Variants in SLC2A8 observed in about 807,000 individuals in gnomAD.
SLC2A8 encodes the protein solute carrier family 2, facilitated glucose transporter member 8.
In SLC2A8, 53 loss-of-function variants were observed where a neutral mutation model predicts 49.2. The ratio of observed to expected loss-of-function variants is 1.08; its 90% CI spans 0.86 to 1.35. The LOEUF (loss-of-function observed/expected upper bound fraction) is 1.35. SLC2A8 is among the 40% of genes most tolerant of loss of function. The pLI, the probability that SLC2A8 is intolerant of heterozygous loss-of-function variation, is 0.00. For missense variants in SLC2A8, 688 were observed against 671.7 expected (o/e 1.02, Z -0.27); for synonymous variants, 299 against 297.0 (o/e 1.01, Z -0.07).
intron 5 of SLC2A8, 123 bp from the exon 6 acceptor site, chr9:127,403,537 T>C (rs1411010938): frequency 4.3e-6 from 5 of 1,152,562 alleles, no homozygotes. Context: ...CAGGGGGTGC[T>C]GGGATGAGGA....
At chr9:127,405,600 A>G (rs1833466191) in intron 9 of SLC2A8, 35 bp downstream of exon 9, 9 of 1,611,122 alleles carry the variant, frequency 5.6e-6, no homozygotes, top group African/African-American at 1.3e-5. Context: ...GCGTTCGTGC[A>G]GTCAGCCGAG....
At position 127,402,740 on chromosome 9, in the gene SLC2A8, T is replaced by C; in HGVS notation, c.710T>C (p.Ile237Thr). The C allele has an allele frequency of 1.3e-6, 2 of 1,547,070 alleles. No homozygotes were observed. Among genetic ancestry groups the C allele is most frequent in the Non-Finnish European group, 1.7e-6 (2 of 1,146,360 alleles). Residue 237 changes from isoleucine to threonine, a missense_variant, in exon 5 of 10, where the codon ATC becomes ACC. Coordinates refer to ENST00000373371, the MANE Select transcript of SLC2A8 (RefSeq NM_014580.5). Reference sequence around the variant, plus strand: ...GAGCAGGGCTGGGAAGACCCCCCCATCGGGGCTGAGCAGGTGAGAGGCTGG... The same window carrying C: ...GAGCAGGGCTGGGAAGACCCCCCCACCGGGGCTGAGCAGGTGAGAGGCTGG... ...GSEQGWEDPP[I>T]GAEQSFHLAL...
At position 127,398,109 on chromosome 9, in the gene SLC2A8, C is replaced by A; in HGVS notation, c.424C>A (p.Pro142Thr). 6.4e-7 allele frequency: 1 copy of A among 1,574,670 alleles called. No homozygotes were observed. The part of the protein sequence containing the change: ...LACGVASLVA[P>T]VYISEIAYPA... ...CTGCGGTGTTGCCTCCCTAGTGGCC[C>A]CGGTGAGTGTCCCGTCTCTCGAGTG... The change falls in exon 3 of 10, where the codon CCG becomes ACG. Residue 142 changes from proline (P) to threonine (T), a missense_variant and splice_region_variant. By Grantham distance (38) the Pro-to-Thr change is conservative. Transcript: ENST00000373371.
intron 2 of SLC2A8, 149 bp downstream of exon 2, chr9:127,397,687 C>A: frequency 1.7e-6 from 2 of 1,195,608 alleles, no homozygotes; most frequent in Non-Finnish European, 2.2e-6. Flanking sequence ...GGCATTGGGC[C>A]TCTCTGCCCC....
chr9:127,397,826 T>G, intron 2 of SLC2A8, 79 bp from the exon 3 acceptor site: 1 of 1,362,580 alleles, frequency 7.3e-7, no homozygotes, highest in Non-Finnish European at 9.6e-7. Flanking sequence ...CTTTTACCTC[T>G]GAGCCCGCGG....
intron 9 of SLC2A8, among the ~76,000 whole-genome samples, 162 bp from the exon 10 acceptor site, chr9:127,406,950 C>G (rs1489437790): frequency 6.6e-6 from 1 of 152,230 alleles, no homozygotes; most frequent in Non-Finnish European, 1.5e-5. Flanking sequence ...CCAGACTATC[C>G]TCCATGTCCC....
intron 9 of SLC2A8, among the ~76,000 whole-genome samples, chr9:127,406,705 C>A (rs1457088523): frequency 1.3e-5 from 2 of 152,218 alleles, no homozygotes; most frequent in Non-Finnish European, 2.9e-5. Context: ...CCTGTCTCAC[C>A]CATTTCCACC....
At position 127,398,117 on chromosome 9, in the gene SLC2A8, T is replaced by G; in HGVS notation, c.426+6T>G. The G allele has an allele frequency of 6.4e-7, 1 of 1,571,616 alleles. No individual in the cohort carries two copies. Among genetic ancestry groups the G allele is most frequent in the African/African-American group, 1.3e-5 (1 of 74,238 alleles). On this transcript the variant is annotated splice_donor_region_variant and intron_variant, in intron 3 of 9. Transcript: ENST00000373371. ...TTGCCTCCCTAGTGGCCCCGGTGAGTGTCCCGTCTCTCGAGTGTCCTGTCT... is the reference window on the plus strand; with the variant it reads ...TTGCCTCCCTAGTGGCCCCGGTGAGGGTCCCGTCTCTCGAGTGTCCTGTCT...
intron 8 of SLC2A8, 76 bp from the exon 9 acceptor site, chr9:127,405,344 C>G (rs1183841736): frequency 6.3e-5 from 97 of 1,532,396 alleles, no homozygotes; most frequent in Non-Finnish European, 4.4e-6. Flanking sequence ...GAAGCTGGGT[C>G]TCTTGGCTCT....
In SLC2A8 at chr9:127,400,368, A is replaced by G. The variant is rs570664041; in HGVS notation, c.526+362A>G. On this transcript the variant is annotated intron_variant, in intron 4 of 9. Transcript: ENST00000373371. ...GAAAGGGGGTTTCACCGTGTTAGCC[A>G]GGATGGTCTTGATCTCCTGACCTCA... 2.2e-4 allele frequency among the ~76,000 whole-genome samples: 34 copies of G among 152,106 alleles called. 1 individual carries two copies. The South Asian group carries it at 6.4e-3, about 29-fold the overall frequency.
At chr9:127,397,753 G>C in intron 2 of SLC2A8, 152 bp from the exon 3 acceptor site, 1 of 1,068,452 alleles carries the variant, frequency 9.4e-7, no homozygotes, top group Non-Finnish European at 1.3e-6. Context: ...CCTCCCCTCG[G>C]GACGAGCACC....
intron 9 of SLC2A8, 46 bp from the exon 10 acceptor site, chr9:127,407,066 C>A (rs1170442839): frequency 6.2e-7 from 1 of 1,606,234 alleles, no homozygotes; most frequent in Non-Finnish European, 8.5e-7. Context: ...CGTGGGGCTT[C>A]CTGATCTCTC....
chr9:127,403,822 G>T lies in SLC2A8; in HGVS notation c.867+19G>T. 1.2e-6 allele frequency: 2 copies of T among 1,609,988 alleles called. No homozygotes were observed. Among genetic ancestry groups the T allele is most frequent in the Non-Finnish European group, 1.7e-6 (2 of 1,177,872 alleles). On this transcript the variant is annotated intron_variant, in intron 6 of 9. Transcript: ENST00000373371. ...GTTCAAGGTAAAAGGGCCCTGCCTG[G>T]CCTGCCTCGTCCAGCCCCCACATAG...
In SLC2A8 at chr9:127,403,650, G is replaced by T; in HGVS notation, c.724-10G>T. ...AGAGAAATCCTGATGGCCAGTATCC[G>T]TCAGAGCAGAGCTTTCACCTGGCCC... On this transcript the variant is annotated splice_polypyrimidine_tract_variant and intron_variant, in intron 5 of 9. Coordinates refer to ENST00000373371, the MANE Select transcript of SLC2A8 (RefSeq NM_014580.5). 1 of 1,612,710 alleles carries T rather than the reference G, an allele frequency of 6.2e-7. No individual in the cohort carries two copies. Among genetic ancestry groups the T allele is most frequent in the East Asian group, 2.2e-5 (1 of 44,886 alleles).
chr9:127,402,609 C>A lies in SLC2A8; in HGVS notation c.579C>A (p.Ser193=). 6.3e-7 allele frequency: 1 copy of A among 1,596,268 alleles called. No homozygotes were observed. The highest frequency in any genetic ancestry group is 8.5e-7 in the Non-Finnish European group (1 of 1,174,192). The change falls in exon 5 of 10, where the codon TCC becomes TCA. Residue 193 remains serine, a synonymous_variant. Transcript: ENST00000373371. ...CTGTGCTGGGCTGCGTGCCCCCCTC[C>A]CTCATGCTGCTTCTCATGTGCTTCA... is the stretch of plus-strand genomic sequence containing the variant. ...WLAVLGCVPP[S]LMLLLMCFMP...
rs1412761773 is a variant in SLC2A8 at position 127,407,403 on chromosome 9, C to T, written c.*154C>T. The T allele has an allele frequency of 3.1e-6, 3 of 969,962 alleles. No individual in the cohort carries two copies. The highest frequency in any genetic ancestry group is 2.6e-5 in the East Asian group (1 of 38,796). 60.1% of individuals were successfully genotyped at this position (969,962 alleles called of 1,614,324 possible). ...GTCATGCTCCCTCCAGCCCATGACC[C>T]GGGGCTAGGAGGCTCACTGCCTCCT... On this transcript the variant is annotated 3_prime_UTR_variant, in exon 10 of 10. Coordinates refer to ENST00000373371, the MANE Select transcript of SLC2A8 (RefSeq NM_014580.5).
In SLC2A8 at chr9:127,405,490, C is replaced by A; in HGVS notation, c.1221C>A (p.Gly407=). ...MSEIFPLHVK[G]VATGICVLTN... ...AGATCTTCCCTCTGCATGTCAAGGG[C>A]GTGGCGACAGGCATCTGCGTCCTCA... The change falls in exon 9 of 10, where the codon GGC becomes GGA. Residue 407 remains glycine (G), a synonymous_variant. Transcript: ENST00000373371. 1 of 1,613,166 alleles carries A rather than the reference C, an allele frequency of 6.2e-7. No individual in the cohort carries two copies. Among genetic ancestry groups the A allele is most frequent in the Non-Finnish European group, 8.5e-7 (1 of 1,179,986 alleles).
At chr9:127,405,162 C>T (rs781630274) in intron 8 of SLC2A8, among the ~76,000 whole-genome samples, 171 bp downstream of exon 8, 58 of 152,214 alleles carry the variant, frequency 3.8e-4, no homozygotes, top group Admixed American at 1.3e-4. Context: ...GGCCCCTCTG[C>T]GTTCCTTTCA....
chr9:127,401,500 T>C, intron 4 of SLC2A8, among the ~76,000 whole-genome samples: 1 of 152,240 alleles, frequency 6.6e-6, no homozygotes, highest in Admixed American at 6.5e-5. Context: ...GCGATCTGGC[T>C]ACCTTGGGAG....
Sources: allele counts gnomAD v4.1 joint callset (sites outside exome capture counted in the v4.1 genomes callset), GRCh38; gene constraint gnomAD v4.1.1; transcripts MANE v1.5; gene names NCBI Gene and HGNC (gene_info 2026-07-23, HGNC 2026-07-21).